Variants in EYA2 observed in about 807,000 individuals in gnomAD.
EYA2 encodes the protein protein phosphatase EYA2.
In EYA2, 31 loss-of-function variants were observed where a neutral mutation model predicts 69.2. That is an observed-to-expected ratio of 0.45 (90% confidence interval 0.34 to 0.60). The LOEUF (loss-of-function observed/expected upper bound fraction) is 0.60. EYA2 is among the 20% of genes least tolerant of loss of function. EYA2 has a pLI of 0.02. For missense variants in EYA2, 622 were observed against 701.2 expected (o/e 0.89, Z 1.28); for synonymous variants, 257 against 279.4 (o/e 0.92, Z 0.80).
intron 1 of EYA2, among the ~76,000 whole-genome samples, chr20:46,942,224 T>C (rs1356055359): frequency 2.0e-5 from 3 of 152,062 alleles, no homozygotes; most frequent in South Asian, 2.1e-4. Context: ...ACTTTTTTTC[T>C]TTAGACAAAG....
intron 12 of EYA2, among the ~76,000 whole-genome samples, chr20:47,178,052 A>G (rs1329742157): frequency 6.6e-6 from 1 of 152,362 alleles, no homozygotes; most frequent in African/African-American, 2.4e-5. Flanking sequence ...GCCGTAAGGC[A>G]GGATGCAGAG....
At chr20:46,914,192 C>T (rs1357321488) in intron 1 of EYA2, among the ~76,000 whole-genome samples, 2 of 152,212 alleles carry the variant, frequency 1.3e-5, no homozygotes, top group Non-Finnish European at 2.9e-5. Context: ...ATCTGTCACC[C>T]ACATTTTTCC....
intron 1 of EYA2, among the ~76,000 whole-genome samples, chr20:46,907,557 G>A (rs902458833): frequency 1.3e-5 from 2 of 152,196 alleles, no homozygotes; most frequent in Non-Finnish European, 2.9e-5. Flanking sequence ...ACAAGCGTGA[G>A]GCCAGGCGCA....
At chr20:47,050,809 C>T (rs576504067) in intron 5 of EYA2, among the ~76,000 whole-genome samples, 20 of 152,308 alleles carry the variant, frequency 1.3e-4, no homozygotes, top group African/African-American at 4.6e-4. Context: ...TTGAAACAAG[C>T]GGCTTTGCAG....
chr20:47,084,568 G>A (rs1314884435), intron 7 of EYA2, among the ~76,000 whole-genome samples: 1 of 152,072 alleles, frequency 6.6e-6, no homozygotes, highest in Non-Finnish European at 1.5e-5. Context: ...AAAGAAATGG[G>A]CAAAATATTT....
At chr20:46,956,347 G>C (rs571625142) in intron 1 of EYA2, among the ~76,000 whole-genome samples, 24 of 152,320 alleles carry the variant, frequency 1.6e-4, no homozygotes, top group African/African-American at 5.8e-4. Context: ...TTAAGGTAAT[G>C]TCAGCTGCTG....
rs148352532 is a variant in EYA2, at chr20:46,908,690, C to G, written c.-11+13703C>G. On this transcript the variant is annotated intron_variant, in intron 1 of 15. Coordinates refer to ENST00000327619, the MANE Select transcript of EYA2 (RefSeq NM_005244.5). ...CCATTCAGGAATGGTCTCCGTGTTG[C>G]TAGGTGTTCTGATTTTTCAAAATCT... is the stretch of plus-strand genomic sequence containing the variant. 8.5e-5 allele frequency among the ~76,000 whole-genome samples: 13 copies of G among 152,140 alleles called. No homozygotes were observed. In the East Asian group the frequency reaches 2.3e-3, roughly 27 times the overall value.
At chr20:47,168,083 G>A (rs1009402268) in intron 10 of EYA2, among the ~76,000 whole-genome samples, 2 of 152,122 alleles carry the variant, frequency 1.3e-5, no homozygotes, top group Admixed American at 1.3e-4. Context: ...GTTCCCATTG[G>A]CCCACCTTAG....
Position 46,989,962 on chromosome 20 carries a change from A to G in EYA2, c.-10-39A>G, listed in dbSNP as rs200811045. 80 of 1,047,496 alleles carry G rather than the reference A, an allele frequency of 7.6e-5. No individual in the cohort carries two copies. In the East Asian group the frequency reaches 1.8e-3, roughly 24 times the overall value. The allele number at this position is 1,047,496 out of a possible 1,614,324, so 64.9% of individuals were successfully genotyped here. On this transcript the variant is annotated intron_variant, in intron 1 of 15. Coordinates refer to ENST00000327619, the MANE Select transcript of EYA2 (RefSeq NM_005244.5). ...TAGGAATCATTAGCAAGCATGCATAATTAATGAATAAATTATATTTCCCTT... is the reference window on the plus strand; with the variant it reads ...TAGGAATCATTAGCAAGCATGCATAGTTAATGAATAAATTATATTTCCCTT...
chr20:46,930,421 A>C (rs1327654956), intron 1 of EYA2, among the ~76,000 whole-genome samples: 1 of 152,208 alleles, frequency 6.6e-6, no homozygotes, highest in Non-Finnish European at 1.5e-5. Flanking sequence ...TTTGCTGTGC[A>C]GACAGGGTGA....
At chr20:47,005,181 C>T in intron 4 of EYA2, 97 bp downstream of exon 4, 1 of 1,372,832 alleles carries the variant, frequency 7.3e-7, no homozygotes, top group Non-Finnish European at 9.9e-7. Flanking sequence ...TTAATAGACA[C>T]AACCAAGCTG....
At chr20:47,152,550 G>T (rs180923075) in intron 10 of EYA2, among the ~76,000 whole-genome samples, 12 of 151,930 alleles carry the variant, frequency 7.9e-5, no homozygotes, top group African/African-American at 2.9e-4. Context: ...GGTGGCTCAC[G>T]CCAGTAATCC....
At chr20:47,084,112 G>A (rs1159862786) in intron 7 of EYA2, among the ~76,000 whole-genome samples, 2 of 152,152 alleles carry the variant, frequency 1.3e-5, no homozygotes, top group South Asian at 2.1e-4. Flanking sequence ...TGGGTGTGGT[G>A]GCATGTGCCT....
intron 5 of EYA2, among the ~76,000 whole-genome samples, chr20:47,058,767 G>A (rs1251033422): frequency 2.6e-5 from 4 of 152,170 alleles, no homozygotes; most frequent in Non-Finnish European, 5.9e-5. Flanking sequence ...TTGAGCCCAG[G>A]AATTCAGAGC....
intron 7 of EYA2, among the ~76,000 whole-genome samples, chr20:47,075,141 A>G (rs546523348): frequency 6.6e-6 from 1 of 152,150 alleles, no homozygotes; most frequent in Non-Finnish European, 1.5e-5. Context: ...TAAAATACCC[A>G]TCTGTTTCGT....
At chr20:47,094,064 T>G (rs1425528294) in intron 8 of EYA2, among the ~76,000 whole-genome samples, 1 of 152,176 alleles carries the variant, frequency 6.6e-6, no homozygotes, top group African/African-American at 2.4e-5. Flanking sequence ...GTCTGCACCA[T>G]GATGGCCTAG....
intron 9 of EYA2, among the ~76,000 whole-genome samples, chr20:47,116,065 A>G (rs2032881822): frequency 6.7e-6 from 1 of 149,378 alleles, no homozygotes; most frequent in African/African-American, 2.5e-5. Flanking sequence ...TTGGTTAAAA[A>G]CCTCCTACTG....
intron 6 of EYA2, 66 bp downstream of exon 6, chr20:47,072,318 C>T (rs1211291992): frequency 6.8e-7 from 1 of 1,469,486 alleles, no homozygotes; most frequent in Non-Finnish European, 9.4e-7. Flanking sequence ...TACATCAGGG[C>T]ACCCAGAGAG....
At chr20:47,091,864 T>C (rs760394550) in intron 8 of EYA2, among the ~76,000 whole-genome samples, 3 of 152,210 alleles carry the variant, frequency 2.0e-5, no homozygotes, top group Non-Finnish European at 4.4e-5. Context: ...TTGAGAAATC[T>C]AGGAATGCCA....
Sources: gnomAD v4.1 joint callset for allele counts (sites outside exome capture counted in the v4.1 genomes callset) on GRCh38, gnomAD v4.1.1 for gene constraint, MANE v1.5 for transcripts, NCBI Gene and HGNC (gene_info 2026-07-23, HGNC 2026-07-21) for gene names.